The following BLM variants were observed in gnomAD, a reference collection of about 807,000 sequenced individuals.
BLM encodes BLM RecQ like helicase.
BLM carries 95 observed loss-of-function variants against 135.3 expected under a neutral mutation model. The ratio of observed to expected loss-of-function variants is 0.70; its 90% CI spans 0.59 to 0.83. The LOEUF (loss-of-function observed/expected upper bound fraction) is 0.83. Among genes scored for constraint, BLM ranks in the 40% least tolerant of loss-of-function variants. BLM has a pLI of 0.00. For missense variants in BLM, 1,518 were observed against 1,663.9 expected (o/e 0.91, Z 1.53); for synonymous variants, 520 against 589.2 (o/e 0.88, Z 1.70).
At chr15:90,757,251 C>T (rs1895844177) in intron 5 of BLM, among the ~76,000 whole-genome samples, 1 of 152,152 alleles carries the variant, frequency 6.6e-6, no homozygotes, top group Admixed American at 6.5e-5. Flanking sequence ...CAATGTTTGT[C>T]TGTCCTCACT....
In BLM at chr15:90,760,855, C is replaced by A. The variant is rs1596229985; in HGVS notation, c.1482C>A (p.Thr494=). Reference sequence around the variant, plus strand: ...TTTTTGAAAGGCCTTTATTCAATACCCATTTACAGAAGTCCTTTGTAAGTA... The same window carrying A: ...TTTTTGAAAGGCCTTTATTCAATACACATTTACAGAAGTCCTTTGTAAGTA... ...KNLFERPLFN[T]HLQKSFVSSN... is the part of the protein sequence containing the mutation. Residue 494 remains threonine (T), a synonymous_variant, in exon 7 of 22, where the codon ACC becomes ACA. Transcript: ENST00000355112. 2 of 1,613,880 alleles carry A rather than the reference C, an allele frequency of 1.2e-6. No homozygotes were observed. The highest frequency in any genetic ancestry group is 1.7e-5 in the Admixed American group (1 of 59,984).
chr15:90,721,127 C>G (rs1259062424), intron 1 of BLM, among the ~76,000 whole-genome samples: 1 of 152,090 alleles, frequency 6.6e-6, no homozygotes, highest in Non-Finnish European at 1.5e-5. Context: ...ATTCCTCTCT[C>G]TTTGGTTTAA....
chr15:90,799,737 T>G (rs145849187), intron 17 of BLM, among the ~76,000 whole-genome samples: 78 of 151,734 alleles, frequency 5.1e-4, no homozygotes, highest in Middle Eastern at 3.5e-3. Flanking sequence ...CCTCTTAGGT[T>G]CAGTGATGGG....
chr15:90,785,998 C>CTTT (rs869185558), intron 14 of BLM, among the ~76,000 whole-genome samples: 92 of 110,706 alleles, frequency 8.3e-4, no homozygotes, highest in Non-Finnish European at 1.4e-3. Flanking sequence ...TCGTTTCTTT[C>CTTT]TTTTTTTTTT....
In BLM at chr15:90,760,898, C is replaced by T; in HGVS notation, c.1525C>T (p.Pro509Ser). ...TGTAAGTAGCAACTGGGCTGAAACA[C>T]CAAGACTAGGAAAAAAAAATGAAAG... The part of the protein sequence containing the change: ...SFVSSNWAET[P>S]RLGKKNESSY... Residue 509 changes from proline to serine, a missense_variant, in exon 7 of 22, where the codon CCA (proline) becomes TCA (serine). This residue lies in a region of BLM where 724 missense variants were observed against 756.9 expected (regional missense o/e 0.96). Coordinates refer to ENST00000355112, the MANE Select transcript of BLM (RefSeq NM_000057.4). 6.2e-7 allele frequency: 1 copy of T among 1,613,854 alleles called. No individual in the cohort carries two copies.
chr15:90,745,800 TACGCATGGCTC>T lies in BLM; in HGVS notation c.-4-1586_-4-1576del, dbSNP rs374879443. ...TTACGATAAAAGTCTTACAGCTGGC[TACGCATGGCTC>T]ACACCTGTAATCCTAGCACTTTGGC... On this transcript the variant is annotated intron_variant, in intron 1 of 21. Coordinates refer to ENST00000355112, the MANE Select transcript of BLM (RefSeq NM_000057.4). Among the ~76,000 whole-genome samples the T allele has an allele frequency of 4.0e-3, 613 of 152,296 alleles. 3 individuals carry two copies. Among genetic ancestry groups the T allele is most frequent in the African/African-American group, 0.013 (535 of 41,544 alleles).
intron 5 of BLM, chr15:90,759,928 A>G (rs561847141): frequency 4.9e-4 from 182 of 368,604 alleles, no homozygotes; most frequent in Non-Finnish European, 6.3e-4. Context: ...AAAAAAAAAA[A>G]AAAGAAAAAG....
intron 17 of BLM, 27 bp from the exon 18 acceptor site, chr15:90,803,494 A>C (rs771694198): frequency 1.5e-5 from 24 of 1,593,262 alleles, no homozygotes; most frequent in Non-Finnish European, 2.1e-5. Context: ...ACATTTACTC[A>C]TCTTACTTCC....
intron 1 of BLM, among the ~76,000 whole-genome samples, chr15:90,721,943 TTTTC>T (rs912645990): frequency 6.7e-6 from 1 of 150,256 alleles, no homozygotes; most frequent in African/African-American, 2.5e-5. Flanking sequence ...AAAAAAAAAA[TTTTC>T]TTTATTATGA....
At chr15:90,806,727 C>A (rs72753646) in intron 19 of BLM, among the ~76,000 whole-genome samples, 4,874 of 152,230 alleles carry the variant, frequency 0.032, 113 homozygotes, top group South Asian at 0.059. Context: ...GCCAGCTGGG[C>A]TATATTACCT....
At chr15:90,778,915 TCAC>T (rs1896549161) in intron 12 of BLM, among the ~76,000 whole-genome samples, 1 of 151,328 alleles carries the variant, frequency 6.6e-6, no homozygotes. Context: ...AGACGGAGTC[TCAC>T]TCTGTAGCCC....
chr15:90,738,987 C>G (rs1895293281), intron 1 of BLM, among the ~76,000 whole-genome samples: 1 of 152,178 alleles, frequency 6.6e-6, no homozygotes. Flanking sequence ...TATTTGTACA[C>G]CCATGTTCAT....
chr15:90,727,476 G>C (rs989074768), intron 1 of BLM, among the ~76,000 whole-genome samples: 1 of 152,162 alleles, frequency 6.6e-6, no homozygotes, highest in African/African-American at 2.4e-5. Context: ...CCCTGGCTGT[G>C]TCTGAGAACT....
chr15:90,764,675 CTAGT>C (rs1896075654), intron 8 of BLM, among the ~76,000 whole-genome samples: 1 of 152,028 alleles, frequency 6.6e-6, no homozygotes, highest in Non-Finnish European at 1.5e-5. Flanking sequence ...TATTTTAATC[CTAGT>C]GTCATTTTTA....
intron 13 of BLM, 65 bp from the exon 14 acceptor site, chr15:90,784,856 G>C: frequency 1.3e-6 from 2 of 1,515,468 alleles, no homozygotes; most frequent in Admixed American, 3.4e-5. Flanking sequence ...TGAAAATGTA[G>C]TGTAAATTGT....
At chr15:90,778,505 T>C (rs1468945882) in intron 12 of BLM, among the ~76,000 whole-genome samples, 2 of 152,176 alleles carry the variant, frequency 1.3e-5, no homozygotes, top group East Asian at 1.9e-4. Flanking sequence ...CCCATGCCCA[T>C]TGCAGTTCAA....
intron 17 of BLM, among the ~76,000 whole-genome samples, chr15:90,800,057 G>C (rs1897128553): frequency 6.6e-6 from 1 of 152,156 alleles, no homozygotes. Flanking sequence ...TTTTTCCCAG[G>C]GAGGCAATTT....
chr15:90,815,029 T>TAG lies in BLM; in HGVS notation c.4077-73_4077-72insAG. The TAG allele has an allele frequency of 7.1e-7, 1 of 1,416,266 alleles. No homozygotes were observed. Among genetic ancestry groups the TAG allele is most frequent in the South Asian group, 1.2e-5 (1 of 85,608 alleles). The allele number at this position is 1,416,266 out of a possible 1,614,324, so 87.7% of individuals were successfully genotyped here. On this transcript the variant is annotated intron_variant, in intron 21 of 21. Coordinates refer to ENST00000355112, the MANE Select transcript of BLM (RefSeq NM_000057.4). This position sits in a 1 kb window ranked among gnomAD's most constrained non-coding sequence, Gnocchi z 4.6. ...CCAGGGAAGTGGTATTGTAGCTCTG[T>TAG]GCAGGTTGAGAGGAAGGTCATTCAT...
intron 1 of BLM, among the ~76,000 whole-genome samples, chr15:90,746,839 G>A (rs960676067): frequency 6.6e-6 from 1 of 152,120 alleles, no homozygotes; most frequent in Admixed American, 6.5e-5. Context: ...AAATGTGCTT[G>A]GTAAACGTAT....
Sources: allele counts gnomAD v4.1 joint callset (sites outside exome capture counted in the v4.1 genomes callset), GRCh38; gene constraint gnomAD v4.1.1; regional missense constraint gnomAD v4.1.1; non-coding constraint Gnocchi (gnomAD v3.1); transcripts MANE v1.5; gene names NCBI Gene and HGNC (gene_info 2026-07-23, HGNC 2026-07-21).